The following TTC7B variants were observed in gnomAD, a reference collection of about 807,000 sequenced individuals.
TTC7B encodes tetratricopeptide repeat protein 7B.
In TTC7B, 28 loss-of-function variants were observed where a neutral mutation model predicts 106.8. The observed-to-expected ratio is 0.26, with a 90% CI of 0.19 to 0.36. The LOEUF (loss-of-function observed/expected upper bound fraction) is 0.36, where lower values mean the gene tolerates loss of function less well. Ranked by LOEUF, TTC7B falls within the 10% of genes least tolerant of loss-of-function variation. The pLI, the probability that TTC7B is intolerant of heterozygous loss-of-function variation, is 1.00. For missense variants in TTC7B, 862 were observed against 1,076.4 expected, an observed-to-expected ratio of 0.80 and a Z score of 2.79; for synonymous variants, 405 against 430.6, an observed-to-expected ratio of 0.94 and a Z score of 0.74.
At chr14:90,706,859 ACT>A (rs1261583709) in intron 5 of TTC7B, among the ~76,000 whole-genome samples, 3 of 151,962 alleles carry the variant, frequency 2.0e-5, no homozygotes, top group East Asian at 3.9e-4. Context: ...CTTAGCGAGA[ACT>A]CTCTCTCTCA....
intron 3 of TTC7B, among the ~76,000 whole-genome samples, chr14:90,777,434 G>A (rs528551164): frequency 3.3e-5 from 5 of 152,188 alleles, no homozygotes; most frequent in Non-Finnish European, 7.4e-5. Context: ...CATAGTGCTG[G>A]CCCATAGGAG....
intron 4 of TTC7B, among the ~76,000 whole-genome samples, chr14:90,737,551 T>G (rs1441268104): frequency 2.4e-5 from 3 of 126,116 alleles, no homozygotes; most frequent in East Asian, 4.1e-4. Flanking sequence ...ATTCTGTTTT[T>G]TTTTTTTTTT....
chr14:90,762,913 A>G (rs192911947), intron 3 of TTC7B, among the ~76,000 whole-genome samples: 1 of 152,340 alleles, frequency 6.6e-6, no homozygotes, highest in African/African-American at 2.4e-5. Flanking sequence ...GCAATCAAAC[A>G]ATGTCTACAA....
intron 19 of TTC7B, among the ~76,000 whole-genome samples, chr14:90,572,884 G>A (rs911536660): frequency 3.9e-5 from 6 of 152,062 alleles, no homozygotes; most frequent in Non-Finnish European, 5.9e-5. Flanking sequence ...CCACACCTAA[G>A]ACCCCTCCAG....
chr14:90,694,473 G>T (rs1364349409), intron 6 of TTC7B, among the ~76,000 whole-genome samples: 1 of 151,470 alleles, frequency 6.6e-6, no homozygotes, highest in African/African-American at 2.4e-5. Flanking sequence ...CTTTAAATGA[G>T]TAAACTGCTA....
At chr14:90,794,504 G>T (rs1891707429) in intron 1 of TTC7B, among the ~76,000 whole-genome samples, 1 of 152,030 alleles carries the variant, frequency 6.6e-6, no homozygotes, top group African/African-American at 2.4e-5. Flanking sequence ...GGGATTATAG[G>T]CATGAGCCAC....
chr14:90,800,370 T>C (rs1225891233), intron 1 of TTC7B, among the ~76,000 whole-genome samples: 1 of 152,170 alleles, frequency 6.6e-6, no homozygotes, highest in Admixed American at 6.5e-5. Context: ...CCCCCAGACA[T>C]GTCCACATCC....
intron 15 of TTC7B, 37 bp from the exon 16 acceptor site, chr14:90,618,082 T>TC (rs764184248): frequency 2.0e-6 from 3 of 1,493,790 alleles, no homozygotes; most frequent in Non-Finnish European, 2.8e-6. Context: ...ACACCACGGC[T>TC]CAAGCCACAG....
chr14:90,584,054 A>T (rs1254177369), intron 18 of TTC7B, among the ~76,000 whole-genome samples: 3 of 151,488 alleles, frequency 2.0e-5, no homozygotes, highest in African/African-American at 7.3e-5. Context: ...ACACCCCTCG[A>T]CCTCATCTGC....
At chr14:90,685,412 T>C (rs1348264744) in intron 7 of TTC7B, among the ~76,000 whole-genome samples, 1 of 152,176 alleles carries the variant, frequency 6.6e-6, no homozygotes, top group East Asian at 1.9e-4. Flanking sequence ...GCTGTTCCTC[T>C]TTACTAATAT....
intron 5 of TTC7B, among the ~76,000 whole-genome samples, chr14:90,715,588 C>T (rs2139972259): frequency 6.6e-6 from 1 of 152,184 alleles, no homozygotes; most frequent in African/African-American, 2.4e-5. Context: ...TATTATTATC[C>T]CCAGTTACAG....
rs1889119003 is a variant in TTC7B at position 90,525,222 on chromosome 14, C to T, written c.*16146G>A. Reference sequence around the variant, plus strand: ...ACACAGCACGTTCTTTTTTGACTGGCTCCTTCAACTCGTCACCACTACCTG... The same window carrying T: ...ACACAGCACGTTCTTTTTTGACTGGTTCCTTCAACTCGTCACCACTACCTG... On this transcript the variant is annotated 3_prime_UTR_variant, in exon 20 of 20. Transcript: ENST00000328459. 6.6e-6 allele frequency: 1 copy of T among 152,174 alleles called. No individual in the cohort carries two copies. 9.4% of individuals were successfully genotyped at this position (152,174 alleles called of 1,614,324 possible). A position where few individuals can be genotyped will look rare whatever the true frequency, so the allele number is the denominator to read the frequency against.
At chr14:90,777,057 G>A (rs1290836420) in intron 3 of TTC7B, among the ~76,000 whole-genome samples, 4 of 152,158 alleles carry the variant, frequency 2.6e-5, no homozygotes, top group Non-Finnish European at 4.4e-5. Context: ...CCAACATGGT[G>A]AAACCCTGTC....
chr14:90,568,715 T>A (rs1890898510), intron 19 of TTC7B, among the ~76,000 whole-genome samples: 1 of 152,108 alleles, frequency 6.6e-6, no homozygotes, highest in Non-Finnish European at 1.5e-5. Context: ...GCAGAAAATG[T>A]CTGCAGAGAC....
chr14:90,705,734 G>A (rs760892592), intron 5 of TTC7B, among the ~76,000 whole-genome samples: 2 of 152,072 alleles, frequency 1.3e-5, no homozygotes. Context: ...GACTTTTCTG[G>A]TTAATTGCTT....
intron 17 of TTC7B, among the ~76,000 whole-genome samples, chr14:90,607,138 C>T (rs557075585): frequency 6.6e-6 from 1 of 152,164 alleles, no homozygotes; most frequent in Admixed American, 6.5e-5. Flanking sequence ...TCTGTTCTGG[C>T]ATTTTAGAAA....
chr14:90,644,279 A>ACGCG lies in TTC7B; in HGVS notation c.1591-75_1591-72dup, dbSNP rs71117367. On this transcript the variant is annotated intron_variant, in intron 14 of 19. Coordinates refer to ENST00000328459, the MANE Select transcript of TTC7B (RefSeq NM_001010854.2). ...CACGCACACACACACACACACACAC[A>ACGCG]CGCGCGAAAGAAGCCATCTTTTCAA... 9.5e-6 allele frequency: 9 copies of ACGCG among 948,972 alleles called. No homozygotes were observed. The East Asian group carries it at 1.4e-4, about 15-fold the overall frequency. The allele number at this position is 948,972 out of a possible 1,614,324, so 58.8% of individuals were successfully genotyped here.
Position 90,744,856 on chromosome 14 carries a change from T to C in TTC7B, c.512A>G (p.Asp171Gly), listed in dbSNP as rs770756631. The change falls in exon 4 of 20, where the codon GAT (aspartate) becomes GGT (glycine). Residue 171 changes from aspartate (D) to glycine (G), a missense_variant. By Grantham distance (94) the Asp-to-Gly change is moderately conservative. Transcript: ENST00000328459. The part of the protein sequence containing the change: ...TSNLHVDREQ[D>G]VITCYEKAGD... ...TGCTTTCTCATAACAGGTGATGACATCCTGTTCCCGGTCCACATGGAGATT... is the reference window on the plus strand; with the variant it reads ...TGCTTTCTCATAACAGGTGATGACACCCTGTTCCCGGTCCACATGGAGATT... The C allele has an allele frequency of 1.2e-6, 2 of 1,613,452 alleles. No individual in the cohort carries two copies. The highest frequency in any genetic ancestry group is 1.7e-6 in the Non-Finnish European group (2 of 1,179,408).
In TTC7B at chr14:90,773,633, C is replaced by A. The variant is rs529910026; in HGVS notation, c.445+7105G>T. On this transcript the variant is annotated intron_variant, in intron 3 of 19. Transcript: ENST00000328459. ...CACAGGGAACCCCTGCCTCTCCATG[C>A]AGCTGAGCTCTCTGGCAGCTGTGAG... is the stretch of plus-strand genomic sequence containing the variant. Among the ~76,000 whole-genome samples the A allele has an allele frequency of 7.2e-5, 11 of 152,352 alleles. No homozygotes were observed. In the East Asian group the frequency reaches 2.1e-3, roughly 29 times the overall value.
Sources: gnomAD v4.1 joint callset for allele counts (sites outside exome capture counted in the v4.1 genomes callset) on GRCh38, gnomAD v4.1.1 for gene constraint, MANE v1.5 for transcripts, NCBI Gene and HGNC (gene_info 2026-07-23, HGNC 2026-07-21) for gene names.